Variants in EFCC1 observed in about 807,000 individuals in gnomAD.
EFCC1 encodes the protein EF-hand and coiled-coil domain-containing protein 1.
EFCC1 carries 50 observed loss-of-function variants against 52.1 expected under a neutral mutation model. The observed-to-expected ratio is 0.96, with a 90% CI of 0.76 to 1.21. EFCC1 has a LOEUF of 1.21. Among genes scored for constraint, EFCC1 ranks in the 50% most tolerant of loss-of-function variants. EFCC1 has a pLI of 0.00. For synonymous variants in EFCC1, 399 were observed against 396.5 expected, an observed-to-expected ratio of 1.01 and a Z score of -0.08; for missense variants, 837 against 867.3, an observed-to-expected ratio of 0.97 and a Z score of 0.44.
intron 2 of EFCC1, among the ~76,000 whole-genome samples, chr3:129,025,144 C>T (rs1946049062): frequency 6.6e-6 from 1 of 152,112 alleles, no homozygotes; most frequent in Admixed American, 6.5e-5. Context: ...GCCCGAGGTT[C>T]AAGAGAGAGG....
intron 2 of EFCC1, among the ~76,000 whole-genome samples, chr3:129,020,244 G>A (rs1007958758): frequency 6.6e-6 from 1 of 152,128 alleles, no homozygotes; most frequent in South Asian, 2.1e-4. Context: ...CAGAGTGTGG[G>A]AGTTAATATT....
intron 2 of EFCC1, among the ~76,000 whole-genome samples, chr3:129,015,126 C>T (rs995193485): frequency 2.6e-5 from 4 of 152,194 alleles, no homozygotes; most frequent in African/African-American, 9.7e-5. Flanking sequence ...TCTCCTGTGA[C>T]CTCCTCTGGT....
At chr3:129,033,195 G>A (rs1177593347) in intron 4 of EFCC1, among the ~76,000 whole-genome samples, 3 of 152,160 alleles carry the variant, frequency 2.0e-5, no homozygotes, top group South Asian at 4.1e-4. Flanking sequence ...ATTCCCATTC[G>A]TGCTTTCTCA....
At chr3:129,020,600 G>A (rs1240753109) in intron 2 of EFCC1, among the ~76,000 whole-genome samples, 1 of 152,184 alleles carries the variant, frequency 6.6e-6, no homozygotes, top group Non-Finnish European at 1.5e-5. Flanking sequence ...TCACGCCACT[G>A]CATTCCAGCC....
At chr3:129,029,879 A>T (rs1189402757) in intron 2 of EFCC1, among the ~76,000 whole-genome samples, 3 of 151,136 alleles carry the variant, frequency 2.0e-5, no homozygotes, top group African/African-American at 7.3e-5. Flanking sequence ...GTCTCTATTT[A>T]AAAAATTAAA....
chr3:129,038,847 C>A lies in EFCC1; in HGVS notation c.1610C>A (p.Ala537Asp). Residue 537 changes from alanine (A) to aspartate (D), a missense_variant, in exon 7 of 8, where the codon GCC (alanine) becomes GAC (aspartate). Physicochemically the swap from Ala to Asp is moderately radical, Grantham distance 126. Coordinates refer to ENST00000683648, the MANE Select transcript of EFCC1 (RefSeq NM_001377500.1). The stretch of plus-strand genomic sequence containing the variant: ...CTTTTTAAGAACATATCGAAAAGAG[C>A]CCTGGGGAAGATTTTGCTGAGCACG... ...RLRDLNISKR[A>D]LGKILLSTLD... 6.2e-7 allele frequency: 1 copy of A among 1,613,892 alleles called. No individual in the cohort carries two copies. Among genetic ancestry groups the A allele is most frequent in the African/African-American group, 1.3e-5 (1 of 75,022 alleles).
intron 2 of EFCC1, among the ~76,000 whole-genome samples, chr3:129,005,313 G>A (rs749728660): frequency 6.6e-6 from 1 of 152,222 alleles, no homozygotes; most frequent in Non-Finnish European, 1.5e-5. Flanking sequence ...ATGGAGAGAG[G>A]AGAAGAGAGA....
chr3:129,029,517 C>G (rs971704320), intron 2 of EFCC1, among the ~76,000 whole-genome samples: 1 of 152,016 alleles, frequency 6.6e-6, no homozygotes, highest in African/African-American at 2.4e-5. Context: ...GCTGGAGGAT[C>G]TCTTAAGACC....
intron 2 of EFCC1, among the ~76,000 whole-genome samples, chr3:129,027,268 T>C (rs1946147338): frequency 6.6e-6 from 1 of 152,112 alleles, no homozygotes; most frequent in Non-Finnish European, 1.5e-5. Flanking sequence ...GCGGCGGTGC[T>C]CGCAGCCGAG....
intron 2 of EFCC1, among the ~76,000 whole-genome samples, chr3:129,007,128 A>G (rs938510241): frequency 1.3e-5 from 2 of 152,224 alleles, no homozygotes; most frequent in African/African-American, 4.8e-5. Context: ...CCCAACCACA[A>G]GCTCAAGTTG....
In EFCC1 at chr3:129,014,371, A is replaced by G. The variant is rs1945472975; in HGVS notation, c.980+10294A>G. On this transcript the variant is annotated intron_variant, in intron 2 of 7. Transcript: ENST00000683648. The surrounding 1 kb of genome is among the most constrained non-coding windows in gnomAD (Gnocchi z 4.3). ...TTGTCTCCCACAGCTGTGGAGGCTGACCAGAGTGCGGTGTCGCAGCGTTGG... is the reference window on the plus strand; with the variant it reads ...TTGTCTCCCACAGCTGTGGAGGCTGGCCAGAGTGCGGTGTCGCAGCGTTGG... Among the ~76,000 whole-genome samples the G allele has an allele frequency of 1.3e-5, 2 of 152,306 alleles. No individual in the cohort carries two copies. Among genetic ancestry groups the G allele is most frequent in the South Asian group, 4.1e-4 (2 of 4,828 alleles).
intron 2 of EFCC1, among the ~76,000 whole-genome samples, chr3:129,029,031 G>A (rs1399912918): frequency 1.3e-5 from 2 of 152,068 alleles, no homozygotes; most frequent in African/African-American, 4.8e-5. Flanking sequence ...TCACTTCCTC[G>A]GTTGTATTCC....
At chr3:129,032,993 C>T (rs1052714090) in intron 4 of EFCC1, 27 bp downstream of exon 4, 1 of 1,502,352 alleles carries the variant, frequency 6.7e-7, no homozygotes, top group African/African-American at 1.4e-5. Context: ...GCGTCAGCCA[C>T]TGTGGGCCGC....
At position 129,001,700 on chromosome 3, in the gene EFCC1, G is replaced by A; in HGVS notation, c.72G>A (p.Ala24=). 3.3e-6 allele frequency: 5 copies of A among 1,498,782 alleles called. No homozygotes were observed. Among genetic ancestry groups the A allele is most frequent in the Non-Finnish European group, 4.4e-6 (5 of 1,126,602 alleles). 92.8% of individuals were successfully genotyped at this position (1,498,782 alleles called of 1,614,324 possible). Residue 24 remains alanine (A), a synonymous_variant, in exon 1 of 8, where the codon GCG becomes GCA. Coordinates refer to ENST00000683648, the MANE Select transcript of EFCC1 (RefSeq NM_001377500.1). ...GAGGTGACCCGTACCGGCGACCTGCGCGGCGCACGCAGTGGCTGCTGAGCG... is the reference window on the plus strand; with the variant it reads ...GAGGTGACCCGTACCGGCGACCTGCACGGCGCACGCAGTGGCTGCTGAGCG... ...GAGGDPYRRP[A]RRTQWLLSAL...
intron 2 of EFCC1, among the ~76,000 whole-genome samples, chr3:129,019,991 A>ACTCCTGACCTCAGGTGATCCACCTAC (rs1945764065): frequency 6.6e-6 from 1 of 151,130 alleles, no homozygotes; most frequent in African/African-American, 2.4e-5. Flanking sequence ...CTGGTCTCGA[A>ACTCCTGACCTCAGGTGATCCACCTAC]CTCCTGACCT....
intron 3 of EFCC1, 66 bp from the exon 4 acceptor site, chr3:129,032,753 C>A: frequency 6.6e-7 from 1 of 1,523,624 alleles, no homozygotes; most frequent in South Asian, 1.2e-5. Flanking sequence ...TGCACATGTC[C>A]CCCTGGGGAG....
chr3:129,023,557 C>G lies in EFCC1; in HGVS notation c.981-7146C>G, dbSNP rs1576761702. On this transcript the variant is annotated intron_variant, in intron 2 of 7. Transcript: ENST00000683648. ...CCATGTTAGCCAGGATGGTCTCGAC[C>G]TCCTGACCTCATGATCCACCCGCCT... 2.6e-5 allele frequency among the ~76,000 whole-genome samples: 4 copies of G among 152,264 alleles called. No individual in the cohort carries two copies. In the South Asian group the frequency reaches 8.3e-4, roughly 32 times the overall value.
chr3:129,026,934 C>G (rs992354500), intron 2 of EFCC1, among the ~76,000 whole-genome samples: 41 of 152,184 alleles, frequency 2.7e-4, no homozygotes, highest in Non-Finnish European at 1.5e-5. Flanking sequence ...TCAAAAAACA[C>G]GAAATTCCAG....
At chr3:129,025,261 A>T (rs2107924957) in intron 2 of EFCC1, among the ~76,000 whole-genome samples, 1 of 152,250 alleles carries the variant, frequency 6.6e-6, no homozygotes, top group South Asian at 2.1e-4. Flanking sequence ...AGGTCCTCAG[A>T]GGGCATCCCA....
Sources: gnomAD v4.1 joint callset for allele counts (sites outside exome capture counted in the v4.1 genomes callset) on GRCh38, gnomAD v4.1.1 for gene constraint, Gnocchi (gnomAD v3.1) non-coding constraint, MANE v1.5 for transcripts, NCBI Gene and HGNC (gene_info 2026-07-23, HGNC 2026-07-21) for gene names.